Variants in ADGRL2 observed in about 807,000 individuals in gnomAD.
ADGRL2 encodes the protein adhesion G protein-coupled receptor L2.
ADGRL2 carries 44 observed loss-of-function variants against 157.4 expected under a neutral mutation model. The observed-to-expected ratio is 0.28, with a 90% CI of 0.22 to 0.36. ADGRL2 has a LOEUF of 0.36. Ranked by LOEUF, ADGRL2 falls within the 10% of genes least tolerant of loss-of-function variation. ADGRL2 has a pLI of 1.00. For synonymous variants in ADGRL2, 585 were observed against 624.7 expected, an observed-to-expected ratio of 0.94 and a Z score of 0.95; for missense variants, 1,510 against 1,768.9, an observed-to-expected ratio of 0.85 and a Z score of 2.63.
chr1:81,610,087 A>AT (rs2081509813), intron 3 of ADGRL2, among the ~76,000 whole-genome samples: 1 of 152,152 alleles, frequency 6.6e-6, no homozygotes, highest in East Asian at 1.9e-4. Context: ...TGAATTCCTG[A>AT]TTAGAATGCT....
chr1:81,906,307 T>A (rs1229982240), intron 2 of ADGRL2, among the ~76,000 whole-genome samples: 1 of 152,168 alleles, frequency 6.6e-6, no homozygotes, highest in East Asian at 1.9e-4. Context: ...TGCTGCTTTT[T>A]AAAATCATAC....
chr1:81,657,829 A>G (rs935532586), intron 3 of ADGRL2, among the ~76,000 whole-genome samples: 2 of 152,250 alleles, frequency 1.3e-5, no homozygotes. Context: ...TAAAAATGAC[A>G]TAAAGCCTAT....
At chr1:81,748,969 C>A (rs1015895432) in intron 1 of ADGRL2, among the ~76,000 whole-genome samples, 2 of 152,042 alleles carry the variant, frequency 1.3e-5, no homozygotes, top group Non-Finnish European at 2.9e-5. Flanking sequence ...TGCCCGGCCT[C>A]ATTCTTATTC....
chr1:81,435,430 TAATC>T (rs1297555545), intron 1 of ADGRL2, among the ~76,000 whole-genome samples: 2 of 152,258 alleles, frequency 1.3e-5, no homozygotes, highest in Admixed American at 6.5e-5. Context: ...GTAAATTACT[TAATC>T]AACCAGATGC....
intron 1 of ADGRL2, among the ~76,000 whole-genome samples, chr1:81,737,388 A>C (rs1349397573): frequency 6.6e-6 from 1 of 152,170 alleles, no homozygotes; most frequent in African/African-American, 2.4e-5. Context: ...TTAAGGGGGA[A>C]GTGCCACACA....
At chr1:81,590,499 G>A (rs1415227921) in intron 3 of ADGRL2, among the ~76,000 whole-genome samples, 1 of 151,972 alleles carries the variant, frequency 6.6e-6, no homozygotes. Context: ...TGTTAATCAG[G>A]AATCCTACCA....
At chr1:81,405,032 A>C (rs1218590374) in intron 1 of ADGRL2, among the ~76,000 whole-genome samples, 2 of 152,226 alleles carry the variant, frequency 1.3e-5, no homozygotes, top group Non-Finnish European at 2.9e-5. Flanking sequence ...GTTCTAATAC[A>C]TAAATTCATC....
intron 1 of ADGRL2, among the ~76,000 whole-genome samples, chr1:81,317,966 T>A (rs2100596491): frequency 6.6e-6 from 1 of 152,302 alleles, no homozygotes; most frequent in Non-Finnish European, 1.5e-5. Flanking sequence ...GATTGTATCA[T>A]AAATGCATAC....
At chr1:81,306,536 G>A (rs563096030) in intron 1 of ADGRL2, 13 of 152,092 alleles carry the variant, frequency 8.5e-5, no homozygotes, top group East Asian at 3.9e-4. Flanking sequence ...TTCTAAAGAC[G>A]TGTGTAATGC....
intron 2 of ADGRL2, among the ~76,000 whole-genome samples, chr1:81,473,713 G>A (rs2078217748): frequency 6.6e-6 from 1 of 152,004 alleles, no homozygotes; most frequent in Non-Finnish European, 1.5e-5. Context: ...AATGCTTTGT[G>A]AAAGAAAACT....
chr1:81,937,918 A>G (rs1022177039), intron 4 of ADGRL2, among the ~76,000 whole-genome samples: 4 of 151,864 alleles, frequency 2.6e-5, no homozygotes, highest in Non-Finnish European at 5.9e-5. Context: ...ATATGGTAGT[A>G]ATACATTCTG....
chr1:81,706,574 A>G (rs897775429), intron 1 of ADGRL2, among the ~76,000 whole-genome samples: 1 of 152,234 alleles, frequency 6.6e-6, no homozygotes, highest in African/African-American at 2.4e-5. Flanking sequence ...TCTGCAGACA[A>G]GACCCAAAGG....
chr1:81,706,411 G>A (rs2083739339), intron 1 of ADGRL2, among the ~76,000 whole-genome samples: 1 of 152,020 alleles, frequency 6.6e-6, no homozygotes, highest in African/African-American at 2.4e-5. Context: ...AGGAGGGGAT[G>A]TAAATGTGAG....
chr1:81,936,634 G>C, intron 3 of ADGRL2, 94 bp from the exon 4 acceptor site: 1 of 626,214 alleles, frequency 1.6e-6, no homozygotes, highest in Non-Finnish European at 2.7e-6. Flanking sequence ...GTTTCTGGTT[G>C]CTTAAAGAAA....
chr1:81,610,229 GTTTTTTTTT>G (rs10657640), intron 3 of ADGRL2, among the ~76,000 whole-genome samples: 1 of 127,392 alleles, frequency 7.8e-6, no homozygotes, highest in Admixed American at 8.5e-5. Context: ...TGGCTTGGAG[GTTTTTTTTT>G]TTTTTTTTTT....
intron 1 of ADGRL2, among the ~76,000 whole-genome samples, chr1:81,322,093 T>TATATATATATACAC (rs1660546310): frequency 8.5e-6 from 1 of 117,086 alleles, no homozygotes; most frequent in East Asian, 2.5e-4. Flanking sequence ...AATTCATATA[T>TATATATATATACAC]ATATATATAT....
At chr1:81,742,102 G>A (rs1443667215) in intron 1 of ADGRL2, among the ~76,000 whole-genome samples, 2 of 151,890 alleles carry the variant, frequency 1.3e-5, no homozygotes, top group Non-Finnish European at 1.5e-5. Context: ...CCAGGATTTG[G>A]AAATCCTGTT....
chr1:81,801,329 TG>T (rs1467600069), intron 1 of ADGRL2, among the ~76,000 whole-genome samples: 5 of 152,188 alleles, frequency 3.3e-5, no homozygotes, highest in Non-Finnish European at 7.4e-5. Context: ...AGGGCGGATT[TG>T]GGGGAAGGAG....
intron 1 of ADGRL2, among the ~76,000 whole-genome samples, chr1:81,319,397 A>G (rs1158430441): frequency 3.3e-5 from 5 of 152,162 alleles, no homozygotes; most frequent in African/African-American, 1.2e-4. Flanking sequence ...CATAATCTTA[A>G]ATACAAACCG....
Sources: allele counts gnomAD v4.1 joint callset (sites outside exome capture counted in the v4.1 genomes callset), GRCh38; gene constraint gnomAD v4.1.1; transcripts MANE v1.5; gene names NCBI Gene and HGNC (gene_info 2026-07-23, HGNC 2026-07-21).